Variants in ZNF429 observed in about 807,000 individuals in gnomAD.
The protein encoded by ZNF429 is zinc finger protein 429.
Under a neutral mutation model 56.8 loss-of-function variants are expected in ZNF429, and 53 were observed. The observed-to-expected ratio is 0.93, with a 90% confidence interval of 0.75 to 1.17. The LOEUF is 1.17. ZNF429 is among the 50% of genes most tolerant of loss of function. The probability of loss-of-function intolerance (pLI) is 0.00; values close to 1 mark genes in which losing one functional copy is unlikely to be tolerated. For synonymous variants in ZNF429, 278 were observed against 264.7 expected, an observed-to-expected ratio of 1.05 and a Z score of -0.49; for missense variants, 849 against 788.4, an observed-to-expected ratio of 1.08 and a Z score of -0.92.
chr19:21,535,296 C>CTTCTTTCCTTCTTTCTTTCT, intron 3 of ZNF429, among the ~76,000 whole-genome samples: 1 of 82,548 alleles, frequency 1.2e-5, no homozygotes, highest in African/African-American at 5.5e-5. Context: ...CATTTCTTTC[C>CTTCTTTCCTTCTTTCTTTCT]TTCTTTCTTT....
Position 21,534,902 on chromosome 19 carries a change from C to T in ZNF429, c.227-1378C>T. On this transcript the variant is annotated intron_variant, in intron 3 of 3. Coordinates refer to ENST00000358491, the MANE Select transcript of ZNF429 (RefSeq NM_001001415.4). ...TCGGCTCACTGCAGGCTCCGCCTCC[C>T]GGGTTCACGCCATTCTCCTGCCTCA... Among the ~76,000 whole-genome samples, 14 of 151,112 alleles carry T rather than the reference C, an allele frequency of 9.3e-5. 1 individual carries two copies. Among genetic ancestry groups the T allele is most frequent in the South Asian group, 8.4e-4 (4 of 4,782 alleles).
chr19:21,539,424 TTTTA>T lies in ZNF429; in HGVS notation c.*1354_*1357del, dbSNP rs1039080297. Among the ~76,000 whole-genome samples the T allele has an allele frequency of 1.3e-5, 2 of 152,020 alleles. No individual in the cohort carries two copies. The highest frequency in any genetic ancestry group is 4.8e-5 in the African/African-American group (2 of 41,402). Reference sequence around the variant, plus strand: ...TGCAAAGTTATATTCAAAGTGTACTTTTTATTTATTTTTTTGAGATGGAGTCTCA... The same window carrying T: ...TGCAAAGTTATATTCAAAGTGTACTTTTTATTTTTTTGAGATGGAGTCTCA... On this transcript the variant is annotated 3_prime_UTR_variant, in exon 4 of 4. Coordinates refer to ENST00000358491, the MANE Select transcript of ZNF429 (RefSeq NM_001001415.4).
At chr19:21,523,044 G>A (rs1278308748) in intron 1 of ZNF429, among the ~76,000 whole-genome samples, 2 of 152,078 alleles carry the variant, frequency 1.3e-5, no homozygotes, top group African/African-American at 4.8e-5. Flanking sequence ...CTCTTTCAAT[G>A]ACTCTTGTGT....
chr19:21,505,813 G>A (rs775650520), intron 1 of ZNF429, 39 bp downstream of exon 1: 2 of 1,607,920 alleles, frequency 1.2e-6, no homozygotes, highest in Admixed American at 3.3e-5. Context: ...AGAGGGGGAG[G>A]GGCTGGTCGG....
intron 1 of ZNF429, among the ~76,000 whole-genome samples, chr19:21,506,647 T>C (rs2032173179): frequency 6.6e-6 from 1 of 151,928 alleles, no homozygotes; most frequent in African/African-American, 2.4e-5. Flanking sequence ...ATTTCCATCT[T>C]CAGCTTACAA....
intron 1 of ZNF429, among the ~76,000 whole-genome samples, chr19:21,519,576 C>T (rs1045177505): frequency 6.6e-6 from 1 of 152,226 alleles, no homozygotes; most frequent in Non-Finnish European, 1.5e-5. Flanking sequence ...CACATCACTA[C>T]ACTTTGTGCC....
chr19:21,535,324 TTTCTC>T lies in ZNF429; in HGVS notation c.227-953_227-949del. Among the ~76,000 whole-genome samples the T allele has an allele frequency of 5.7e-4, 75 of 131,368 alleles. 6 individuals are homozygous for T. Among genetic ancestry groups the T allele is most frequent in the African/African-American group, 6.2e-4 (18 of 29,218 alleles). 86.2% of individuals were successfully genotyped at this position (131,368 alleles called of 152,430 possible). ...CTTTCTTTCTTTCTTTCTTTCTTTC[TTTCTC>T]TTTTCTTTTCTTTCCTTTCCTTTCT... On this transcript the variant is annotated intron_variant, in intron 3 of 3. Coordinates refer to ENST00000358491, the MANE Select transcript of ZNF429 (RefSeq NM_001001415.4).
chr19:21,506,760 G>GTTTTT (rs539545648), intron 1 of ZNF429, among the ~76,000 whole-genome samples: 2,078 of 119,166 alleles, frequency 0.017, 100 homozygotes, highest in South Asian at 0.021. Flanking sequence ...ATTTGAGTTA[G>GTTTTT]TTTTTTGTTT....
At chr19:21,507,877 G>T (rs2032256257) in intron 1 of ZNF429, among the ~76,000 whole-genome samples, 1 of 152,132 alleles carries the variant, frequency 6.6e-6, no homozygotes, top group Non-Finnish European at 1.5e-5. Flanking sequence ...GGGCCACATT[G>T]CTGGTCACCC....
chr19:21,528,562 G>C (rs754348515), intron 1 of ZNF429, among the ~76,000 whole-genome samples: 1 of 151,884 alleles, frequency 6.6e-6, no homozygotes, highest in Non-Finnish European at 1.5e-5. Flanking sequence ...AAAATTAGCC[G>C]GGCGTGGTGG....
Position 21,537,864 on chromosome 19 carries a change from G to A in ZNF429, c.1811G>A (p.Arg604Gln), listed in dbSNP as rs761384386. Residue 604 changes from arginine to glutamine, a missense_variant, in exon 4 of 4, where the codon CGG (arginine) becomes CAG (glutamine). Transcript: ENST00000358491. ...KCEECGKAFN[R>Q]SSRLTQHKKI... ...GAAGAATGTGGCAAAGCTTTTAATC[G>A]GTCCTCAAGACTTACTCAACATAAG... 10 of 1,611,606 alleles carry A rather than the reference G, an allele frequency of 6.2e-6. No individual in the cohort carries two copies. Among genetic ancestry groups the A allele is most frequent in the South Asian group, 1.1e-5 (1 of 90,964 alleles).
chr19:21,540,596 T>C lies in ZNF429; in HGVS notation c.*2518T>C, dbSNP rs2033888184. 6.6e-6 allele frequency among the ~76,000 whole-genome samples: 1 copy of C among 152,132 alleles called. No homozygotes were observed. On this transcript the variant is annotated 3_prime_UTR_variant, in exon 4 of 4. Coordinates refer to ENST00000358491, the MANE Select transcript of ZNF429 (RefSeq NM_001001415.4). ...TTTAAAGTGTACAATTAAATTGCTA[T>C]TGACTGCATGGTTATCTTTGTGGTA...
chr19:21,512,662 CAAAAAAAAAAA>C (rs35584125), intron 1 of ZNF429, among the ~76,000 whole-genome samples: 9 of 81,388 alleles, frequency 1.1e-4, no homozygotes, highest in South Asian at 5.0e-4. Flanking sequence ...GACTCCATCT[CAAAAAAAAAAA>C]AAAAAAAAAA....
chr19:21,529,790 A>G lies in ZNF429; in HGVS notation c.130+6A>G. ...CAGAAACTTGGTCTTCCTGGGTGAG[A>G]ATAACTTCAATACAACATTCCTAAT... On this transcript the variant is annotated splice_donor_region_variant and intron_variant, in intron 2 of 3. Coordinates refer to ENST00000358491, the MANE Select transcript of ZNF429 (RefSeq NM_001001415.4). 2 of 1,514,190 alleles carry G rather than the reference A, an allele frequency of 1.3e-6. No homozygotes were observed. The highest frequency in any genetic ancestry group is 1.4e-5 in the African/African-American group (1 of 70,750). 93.8% of individuals were successfully genotyped at this position (1,514,190 alleles called of 1,614,324 possible).
chr19:21,535,210 T>C lies in ZNF429; in HGVS notation c.227-1070T>C. On this transcript the variant is annotated intron_variant, in intron 3 of 3. Coordinates refer to ENST00000358491, the MANE Select transcript of ZNF429 (RefSeq NM_001001415.4). ...TGCTACACCTGTTCCCTGTCTGTGGTACTGCAGTCACTCCACTCCTGTAAC... is the reference window on the plus strand; with the variant it reads ...TGCTACACCTGTTCCCTGTCTGTGGCACTGCAGTCACTCCACTCCTGTAAC... 4.1e-5 allele frequency among the ~76,000 whole-genome samples: 6 copies of C among 145,604 alleles called. No homozygotes were observed. The Admixed American group carries it at 4.2e-4, about 10-fold the overall frequency.
In ZNF429 at chr19:21,539,761, A is replaced by G. The variant is rs73548629; in HGVS notation, c.*1683A>G. ...TATGCTTTTAAAAATATGTATATAT[A>G]TAAAATTTTTGAAAAGCAAATTATG... On this transcript the variant is annotated 3_prime_UTR_variant, in exon 4 of 4. Coordinates refer to ENST00000358491, the MANE Select transcript of ZNF429 (RefSeq NM_001001415.4). Among the ~76,000 whole-genome samples the G allele has an allele frequency of 0.028, 4,301 of 152,188 alleles. 146 individuals carry two copies. The highest frequency in any genetic ancestry group is 0.075 in the African/African-American group (3,104 of 41,520).
Position 21,537,656 on chromosome 19 carries a change from A to G in ZNF429, c.1603A>G (p.Lys535Glu). Residue 535 changes from lysine (K) to glutamate (E), a missense_variant, in exon 4 of 4, where the codon AAA becomes GAA. Coordinates refer to ENST00000358491, the MANE Select transcript of ZNF429 (RefSeq NM_001001415.4). ...TQHKKIHTGEKPYKCEECGKA... is the reference protein window; with the variant it reads ...TQHKKIHTGEEPYKCEECGKA... ...ACATAAGAAAATTCATACTGGAGAG[A>G]AACCTTACAAATGTGAAGAATGTGG... 6.2e-7 allele frequency: 1 copy of G among 1,613,576 alleles called. No homozygotes were observed. The highest frequency in any genetic ancestry group is 8.5e-7 in the Non-Finnish European group (1 of 1,179,814).
intron 3 of ZNF429, among the ~76,000 whole-genome samples, chr19:21,535,389 CTTT>C: frequency 0.15 from 5,079 of 33,356 alleles, 872 homozygotes; most frequent in Middle Eastern, 0.21. Flanking sequence ...TTTTTACTTT[CTTT>C]CTTTCTTTCT....
chr19:21,508,243 G>GAAA (rs112400992), intron 1 of ZNF429, among the ~76,000 whole-genome samples: 2 of 127,542 alleles, frequency 1.6e-5, no homozygotes, highest in South Asian at 2.6e-4. Flanking sequence ...AACTCCATCT[G>GAAA]AAAAAAAAAA....
Sources: gnomAD v4.1 joint callset for allele counts (sites outside exome capture counted in the v4.1 genomes callset) on GRCh38, gnomAD v4.1.1 for gene constraint, MANE v1.5 for transcripts, NCBI Gene and HGNC (gene_info 2026-07-23, HGNC 2026-07-21) for gene names.